Variants in LRP1B observed in about 807,000 individuals in gnomAD.
LRP1B encodes the protein low-density lipoprotein receptor-related protein 1B.
A neutral mutation model predicts 556.6 loss-of-function variants in LRP1B; 217 were observed. The observed-to-expected ratio is 0.39, with a 90% CI of 0.35 to 0.44. The LOEUF (loss-of-function observed/expected upper bound fraction) is 0.44, where lower values mean the gene tolerates loss of function less well. LRP1B is among the 20% of genes least tolerant of loss of function. LRP1B has a pLI of 1.00. For synonymous variants in LRP1B, 2,047 were observed against 1,865.8 expected (o/e 1.10, Z -2.50); for missense variants, 5,053 against 5,620.8 (o/e 0.90, Z 3.23).
chr2:140,916,093 A>G (rs2105246327), intron 21 of LRP1B, among the ~76,000 whole-genome samples: 1 of 152,280 alleles, frequency 6.6e-6, no homozygotes, highest in Admixed American at 6.5e-5. Flanking sequence ...GGCTCATAAA[A>G]AGAAAAATGC....
chr2:141,034,551 T>C (rs1270288260), intron 11 of LRP1B, among the ~76,000 whole-genome samples: 6 of 149,810 alleles, frequency 4.0e-5, no homozygotes, highest in Non-Finnish European at 5.9e-5. Flanking sequence ...GCGAAGGATA[T>C]GAACAGACAC....
chr2:140,940,151 C>T (rs4488600), intron 20 of LRP1B, among the ~76,000 whole-genome samples: 240 of 152,084 alleles, frequency 1.6e-3, no homozygotes, highest in Admixed American at 3.9e-3. Flanking sequence ...TCCCAAAATG[C>T]CGTGATTACA....
intron 6 of LRP1B, among the ~76,000 whole-genome samples, chr2:141,226,106 A>G (rs1441022065): frequency 9.3e-6 from 1 of 107,326 alleles, no homozygotes; most frequent in Non-Finnish European, 2.0e-5. Flanking sequence ...AACTGCTCAG[A>G]GTCTCAATTT....
intron 1 of LRP1B, among the ~76,000 whole-genome samples, chr2:141,970,271 T>C (rs1431621953): frequency 6.6e-6 from 1 of 151,592 alleles, no homozygotes; most frequent in Non-Finnish European, 1.5e-5. Context: ...CATACCAATA[T>C]ACAAGCACAT....
At chr2:141,606,582 G>T (rs540089723) in intron 2 of LRP1B, among the ~76,000 whole-genome samples, 26 of 152,322 alleles carry the variant, frequency 1.7e-4, no homozygotes, top group African/African-American at 5.5e-4. Context: ...AAGTCTAAAT[G>T]AGGCCTTTAG....
chr2:141,644,552 A>G (rs910621130), intron 2 of LRP1B, among the ~76,000 whole-genome samples: 1 of 152,152 alleles, frequency 6.6e-6, no homozygotes, highest in South Asian at 2.1e-4. Context: ...TGACTAGTTA[A>G]ATTAAAATTA....
intron 7 of LRP1B, among the ~76,000 whole-genome samples, chr2:141,098,965 C>T (rs1024693075): frequency 6.6e-6 from 1 of 152,174 alleles, no homozygotes; most frequent in Non-Finnish European, 1.5e-5. Context: ...TAAAATGTCT[C>T]ATTAAGGCTT....
At chr2:141,615,356 T>C (rs1322167315) in intron 2 of LRP1B, among the ~76,000 whole-genome samples, 1 of 152,204 alleles carries the variant, frequency 6.6e-6, no homozygotes, top group Non-Finnish European at 1.5e-5. Flanking sequence ...ATTGTATATG[T>C]CCTTCTCTCT....
intron 41 of LRP1B, among the ~76,000 whole-genome samples, chr2:140,642,296 T>C (rs1321588652): frequency 6.6e-6 from 1 of 152,200 alleles, no homozygotes; most frequent in African/African-American, 2.4e-5. Flanking sequence ...GTTCAGCTCA[T>C]TCCACCGCTA....
intron 5 of LRP1B, among the ~76,000 whole-genome samples, chr2:141,230,867 C>T (rs894551344): frequency 6.6e-6 from 1 of 152,170 alleles, no homozygotes; most frequent in Non-Finnish European, 1.5e-5. Flanking sequence ...TTCTATACAC[C>T]TTCATAGTTC....
intron 18 of LRP1B, 146 bp downstream of exon 18, chr2:140,982,014 C>T: frequency 3.4e-6 from 2 of 584,008 alleles, no homozygotes; most frequent in Non-Finnish European, 6.0e-6. Context: ...ACAATCAGGT[C>T]CAAAAGTTTG....
intron 2 of LRP1B, among the ~76,000 whole-genome samples, chr2:141,546,650 G>A (rs1320005513): frequency 1.3e-5 from 2 of 152,164 alleles, no homozygotes; most frequent in Non-Finnish European, 2.9e-5. Context: ...TAATGAATGA[G>A]GAAGGAGAAA....
intron 20 of LRP1B, among the ~76,000 whole-genome samples, chr2:140,936,819 G>A (rs2105280215): frequency 6.6e-6 from 1 of 152,090 alleles, no homozygotes; most frequent in Admixed American, 6.6e-5. Context: ...AAAATTATTA[G>A]TTTATGTTTC....
chr2:141,264,007 C>T (rs777307732), intron 3 of LRP1B, among the ~76,000 whole-genome samples: 2 of 152,084 alleles, frequency 1.3e-5, no homozygotes, highest in Non-Finnish European at 2.9e-5. Flanking sequence ...ATGATTTTGC[C>T]CTTGAAACAC....
intron 60 of LRP1B, among the ~76,000 whole-genome samples, chr2:140,474,920 T>G (rs1459298657): frequency 6.6e-6 from 1 of 151,784 alleles, no homozygotes; most frequent in African/African-American, 2.4e-5. Flanking sequence ...GAAAAATAGA[T>G]TAAAGAAAAC....
At chr2:141,740,901 C>T (rs1019432321) in intron 2 of LRP1B, among the ~76,000 whole-genome samples, 2 of 152,070 alleles carry the variant, frequency 1.3e-5, no homozygotes, top group Admixed American at 6.6e-5. Flanking sequence ...CATCCTCATC[C>T]CCCTACCCCC....
chr2:141,976,112 T>C (rs1355975668), intron 1 of LRP1B, among the ~76,000 whole-genome samples: 1 of 152,068 alleles, frequency 6.6e-6, no homozygotes, highest in African/African-American at 2.4e-5. Flanking sequence ...AGAAGCAAAA[T>C]ATGACTTACA....
chr2:141,774,568 C>T (rs1694999852), intron 2 of LRP1B, among the ~76,000 whole-genome samples: 2 of 152,072 alleles, frequency 1.3e-5, no homozygotes, highest in South Asian at 4.1e-4. Flanking sequence ...TTGAAGGAAA[C>T]CAATATGCAA....
At chr2:141,024,785 A>G (rs1698171404) in intron 11 of LRP1B, among the ~76,000 whole-genome samples, 1 of 152,034 alleles carries the variant, frequency 6.6e-6, no homozygotes, top group Non-Finnish European at 1.5e-5. Context: ...GATTGGTGTC[A>G]GTTCCCTTTA....
Sources: allele counts gnomAD v4.1 joint callset (sites outside exome capture counted in the v4.1 genomes callset), GRCh38; gene constraint gnomAD v4.1.1; transcripts MANE v1.5; gene names NCBI Gene and HGNC (gene_info 2026-07-23, HGNC 2026-07-21).